The following PTBP1 variants were observed in gnomAD, a reference collection of about 807,000 sequenced individuals.
The protein encoded by PTBP1 is polypyrimidine tract-binding protein 1.
PTBP1 carries 8 observed loss-of-function variants against 59.8 expected under a neutral mutation model. That is an observed-to-expected ratio of 0.13 (90% CI 0.08 to 0.24). The LOEUF is 0.24. Among genes scored for constraint, PTBP1 ranks in the 10% least tolerant of loss-of-function variants. PTBP1 has a pLI of 1.00. For synonymous variants in PTBP1, 490 were observed against 320.7 expected, an observed-to-expected ratio of 1.53 and a Z score of -5.64; for missense variants, 686 against 767.0, an observed-to-expected ratio of 0.89 and a Z score of 1.25.
rs1275679995 is a variant in PTBP1 at position 811,345 on chromosome 19, C to T, written c.*519C>T. On this transcript the variant is annotated 3_prime_UTR_variant, in exon 15 of 15. Transcript: ENST00000356948. ...CCCTCTAATCAAGTCACGTGATTCT[C>T]CCTTCACCCCGCCCCCAGGGCCTTC... 5.2e-5 allele frequency: 8 copies of T among 152,590 alleles called. No individual in the cohort carries two copies. Among genetic ancestry groups the T allele is most frequent in the Admixed American group, 4.6e-4 (7 of 15,318 alleles). The allele number at this position is 152,590 out of a possible 1,614,324, so 9.5% of individuals were successfully genotyped here.
Position 808,776 on chromosome 19 carries a change from CG to C in PTBP1, c.1463+20del, listed in dbSNP as rs762501182. ...CTCCAACATCCCGTGAGTGCTGGGCCGGGGGGCTCATGGGGCCGGGGGCGGG... is the reference window on the plus strand; with the variant it reads ...CTCCAACATCCCGTGAGTGCTGGGCCGGGGGCTCATGGGGCCGGGGGCGGG... On this transcript the variant is annotated intron_variant, in intron 13 of 14. Transcript: ENST00000356948. The surrounding 1 kb of genome is among the most constrained non-coding windows in gnomAD (Gnocchi z 4.7). 3 of 1,542,132 alleles carry C rather than the reference CG, an allele frequency of 1.9e-6. No homozygotes were observed. The highest frequency in any genetic ancestry group is 1.1e-5 in the South Asian group (1 of 87,524).
chr19:806,047 CT>C, intron 9 of PTBP1: 1 of 250,754 alleles, frequency 4.0e-6, no homozygotes, highest in Non-Finnish European at 7.5e-6. Flanking sequence ...CGGCGGCCGC[CT>C]CGTCTGCATG....
intron 13 of PTBP1, among the ~76,000 whole-genome samples, chr19:809,307 C>CATTT (rs77656557): frequency 0.34 from 49,940 of 148,826 alleles, 9,649 homozygotes; most frequent in African/African-American, 0.52. Flanking sequence ...CGCCTAGCCA[C>CATTT]ATTTATTTAT....
chr19:809,630 C>T (rs758074440), intron 13 of PTBP1, among the ~76,000 whole-genome samples: 1 of 152,286 alleles, frequency 6.6e-6, no homozygotes, highest in South Asian at 2.1e-4. Context: ...TAATGCACAC[C>T]TTTATAATCC....
chr19:810,938 T>C lies in PTBP1; in HGVS notation c.*112T>C. 5.2e-6 allele frequency: 6 copies of C among 1,142,972 alleles called. No individual in the cohort carries two copies. The highest frequency in any genetic ancestry group is 7.1e-6 in the Non-Finnish European group (6 of 842,542). The allele number at this position is 1,142,972 out of a possible 1,614,324, so 70.8% of individuals were successfully genotyped here. On this transcript the variant is annotated 3_prime_UTR_variant, in exon 15 of 15. Coordinates refer to ENST00000356948, the MANE Select transcript of PTBP1 (RefSeq NM_002819.5). ...TAGCAGACCAGAGATTTTATTTTTT[T>C]AAAGAGAAATCAGTTTACCTGTTTT...
At chr19:804,773 C>T (rs1826790200) in intron 6 of PTBP1, 56 bp from the exon 7 acceptor site, 8 of 1,608,890 alleles carry the variant, frequency 5.0e-6, no homozygotes, top group Non-Finnish European at 6.8e-6. Context: ...CGGGAGGGGC[C>T]TGGCAGGGCT....
chr19:807,442 G>C (rs123698), intron 10 of PTBP1: 119,312 of 167,156 alleles, frequency 0.71, 44,155 homozygotes, highest in African/African-American at 0.92. Context: ...CCGTGTGCCC[G>C]TCGAGGTAAA....
chr19:799,530 C>T (rs1374557184), intron 2 of PTBP1, 87 bp downstream of exon 2: 36 of 1,344,586 alleles, frequency 2.7e-5, no homozygotes, highest in South Asian at 2.6e-4. Context: ...GTTGCGTTGG[C>T]TAGAGGGCGC....
Position 805,581 on chromosome 19 carries a change from C to T in PTBP1, c.970+12C>T, listed in dbSNP as rs767075338. 1.9e-6 allele frequency: 3 copies of T among 1,609,136 alleles called. No homozygotes were observed. Among genetic ancestry groups the T allele is most frequent in the Non-Finnish European group, 2.6e-6 (3 of 1,175,628 alleles). On this transcript the variant is annotated intron_variant, in intron 9 of 14. Transcript: ENST00000356948. ...TCCTCAAGCTGCAGGTATTCAAACG[C>T]TTGGTCTTGGTTCCCCAGCGACTGC...
At chr19:803,967 G>T in intron 3 of PTBP1, 69 bp from the exon 4 acceptor site, 5 of 1,578,244 alleles carry the variant, frequency 3.2e-6, no homozygotes, top group East Asian at 2.2e-5. Flanking sequence ...GCTCTAGGGG[G>T]ATAGCAGGGA....
intron 10 of PTBP1, 44 bp downstream of exon 10, chr19:806,600 C>T: frequency 2.1e-6 from 3 of 1,456,416 alleles, no homozygotes; most frequent in Non-Finnish European, 2.7e-6. Flanking sequence ...CCCGGAAGAG[C>T]GAGCAGGGGA....
chr19:799,617 T>G (rs2034243207), intron 2 of PTBP1, among the ~76,000 whole-genome samples, 174 bp downstream of exon 2: 1 of 152,240 alleles, frequency 6.6e-6, no homozygotes, highest in Non-Finnish European at 1.5e-5. Flanking sequence ...CGGGCTCCAG[T>G]GCCCGTGAGT....
chr19:801,911 T>C (rs2034353304), intron 2 of PTBP1, among the ~76,000 whole-genome samples: 1 of 152,168 alleles, frequency 6.6e-6, no homozygotes, highest in African/African-American at 2.4e-5. Context: ...AGGGTCTGTT[T>C]TCAGTATTTG....
chr19:811,440 TAC>T lies in PTBP1; in HGVS notation c.*615_*616del, dbSNP rs1425178182. 6.6e-6 allele frequency: 1 copy of T among 152,504 alleles called. No individual in the cohort carries two copies. Among genetic ancestry groups the T allele is most frequent in the Non-Finnish European group, 1.5e-5 (1 of 68,056 alleles). The allele number at this position is 152,504 out of a possible 1,614,324, so 9.4% of individuals were successfully genotyped here. A position where few individuals can be genotyped will look rare whatever the true frequency, so the allele number is the denominator to read the frequency against. ...TGGTCGACATAATCTCTGTATTATA[TAC>T]TTTGCAGTTGCAGACGTCTGTGCCT... On this transcript the variant is annotated 3_prime_UTR_variant, in exon 15 of 15. Transcript: ENST00000356948.
At chr19:806,328 G>A (rs1197390526) in intron 9 of PTBP1, 80 bp from the exon 10 acceptor site, 8 of 1,431,322 alleles carry the variant, frequency 5.6e-6, no homozygotes, top group Non-Finnish European at 7.4e-6. Context: ...CTCGGTGCAT[G>A]AGGACGGGGA....
chr19:809,515 T>C (rs1323906574), intron 13 of PTBP1, among the ~76,000 whole-genome samples: 1 of 151,494 alleles, frequency 6.6e-6, no homozygotes, highest in Non-Finnish European at 1.5e-5. Flanking sequence ...GGAAACGGGG[T>C]TTCACTGTGT....
chr19:810,959 GTT>G lies in PTBP1; in HGVS notation c.*137_*138del. 9.9e-7 allele frequency: 1 copy of G among 1,007,218 alleles called. No individual in the cohort carries two copies. Among genetic ancestry groups the G allele is most frequent in the Non-Finnish European group, 1.4e-6 (1 of 726,996 alleles). 62.4% of individuals were successfully genotyped at this position (1,007,218 alleles called of 1,614,324 possible). ...TTTTTAAAGAGAAATCAGTTTACCT[GTT>G]TTTAAAAAAATTAAATCTAGTTCAC... On this transcript the variant is annotated 3_prime_UTR_variant, in exon 15 of 15. Transcript: ENST00000356948.
At chr19:803,438 G>C in intron 2 of PTBP1, 123 bp from the exon 3 acceptor site, 1 of 758,638 alleles carries the variant, frequency 1.3e-6, no homozygotes, top group Non-Finnish European at 2.3e-6. Flanking sequence ...GGAAGTGTGG[G>C]TGTGGGTATG....
chr19:808,351 C>A lies in PTBP1; in HGVS notation c.1154-9C>A. 1.3e-6 allele frequency: 2 copies of A among 1,588,966 alleles called. No homozygotes were observed. The highest frequency in any genetic ancestry group is 8.6e-7 in the Non-Finnish European group (1 of 1,169,008). ...AGGAGACTCAGGCCCCATCCCTGGG[C>A]TTTTGAAGGCGTCTACGGTGACGTG... On this transcript the variant is annotated splice_polypyrimidine_tract_variant and intron_variant, in intron 11 of 14. Coordinates refer to ENST00000356948, the MANE Select transcript of PTBP1 (RefSeq NM_002819.5). This position sits in a 1 kb window ranked among gnomAD's most constrained non-coding sequence, Gnocchi z 4.7.
Sources: gnomAD v4.1 joint callset for allele counts (sites outside exome capture counted in the v4.1 genomes callset) on GRCh38, gnomAD v4.1.1 for gene constraint, Gnocchi (gnomAD v3.1) non-coding constraint, MANE v1.5 for transcripts, NCBI Gene and HGNC (gene_info 2026-07-23, HGNC 2026-07-21) for gene names.